The following FRAS1 variants were observed in gnomAD, a reference collection of about 807,000 sequenced individuals.
The protein encoded by FRAS1 is extracellular matrix organizing protein FRAS1.
A neutral mutation model predicts 435.2 loss-of-function variants in FRAS1; 290 were observed. The ratio of observed to expected loss-of-function variants is 0.67; its 90% CI spans 0.61 to 0.73. FRAS1 has a LOEUF of 0.73. Among genes scored for constraint, FRAS1 ranks in the 30% least tolerant of loss-of-function variants. FRAS1 has a pLI of 0.00. For missense variants in FRAS1, 4,860 were observed against 5,001.5 expected, an observed-to-expected ratio of 0.97 and a Z score of 0.85; for synonymous variants, 1,800 against 1,851.0, an observed-to-expected ratio of 0.97 and a Z score of 0.71.
At chr4:78,473,669 C>A in intron 53 of FRAS1, 72 bp downstream of exon 53, 1 of 1,242,052 alleles carries the variant, frequency 8.1e-7, no homozygotes, top group Non-Finnish European at 1.1e-6. Context: ...ATGAAGGATG[C>A]TGGGGGGCAG....
At chr4:78,149,960 C>T (rs946120671) in intron 2 of FRAS1, among the ~76,000 whole-genome samples, 13 of 152,160 alleles carry the variant, frequency 8.5e-5, no homozygotes, top group African/African-American at 2.9e-4. Flanking sequence ...CTCCAAGAGG[C>T]AGTGGAGCGT....
chr4:78,444,255 T>A (rs1431047229), intron 41 of FRAS1: 1 of 439,836 alleles, frequency 2.3e-6, no homozygotes, highest in Non-Finnish European at 4.5e-6. Flanking sequence ...ATTTTAGCCG[T>A]TCCTTCTGGA....
chr4:78,371,055 G>A (rs1249549439), intron 23 of FRAS1, among the ~76,000 whole-genome samples: 3 of 147,598 alleles, frequency 2.0e-5, no homozygotes, highest in Admixed American at 6.7e-5. Context: ...GTGGTCTGCT[G>A]TGCTCGAGAC....
chr4:78,119,176 T>G (rs528161205), intron 2 of FRAS1, among the ~76,000 whole-genome samples: 1 of 152,320 alleles, frequency 6.6e-6, no homozygotes, highest in South Asian at 2.1e-4. Flanking sequence ...CATTTATCAC[T>G]TCTTTGGGTT....
chr4:78,323,297 A>G (rs1729581528), intron 18 of FRAS1, among the ~76,000 whole-genome samples: 1 of 152,232 alleles, frequency 6.6e-6, no homozygotes. Flanking sequence ...ATTAAATATT[A>G]CTACTGAGTA....
At chr4:78,205,511 A>G (rs938355283) in intron 2 of FRAS1, among the ~76,000 whole-genome samples, 1 of 152,256 alleles carries the variant, frequency 6.6e-6, no homozygotes, top group Non-Finnish European at 1.5e-5. Flanking sequence ...TTTCAGTGTG[A>G]TAAAACATCT....
At chr4:78,325,526 A>G (rs552304350) in intron 18 of FRAS1, among the ~76,000 whole-genome samples, 2 of 152,338 alleles carry the variant, frequency 1.3e-5, no homozygotes, top group South Asian at 4.1e-4. Context: ...ATGCCTTTTA[A>G]TGTAGTCCCT....
intron 2 of FRAS1, among the ~76,000 whole-genome samples, chr4:78,096,940 CT>C (rs1360313149): frequency 1.3e-5 from 2 of 152,202 alleles, no homozygotes; most frequent in African/African-American, 4.8e-5. Context: ...AAGGAGAAAT[CT>C]TTTCTATCGC....
chr4:78,407,248 A>G (rs1379653144), intron 30 of FRAS1, among the ~76,000 whole-genome samples: 1 of 152,216 alleles, frequency 6.6e-6, no homozygotes, highest in Non-Finnish European at 1.5e-5. Context: ...CTAATTTCCC[A>G]TTATGTTTTC....
intron 2 of FRAS1, among the ~76,000 whole-genome samples, chr4:78,231,343 A>G (rs549335841): frequency 1.5e-3 from 234 of 151,750 alleles, no homozygotes; most frequent in African/African-American, 5.5e-3. Flanking sequence ...AACGGAAAAT[A>G]CAGATAAGGA....
intron 34 of FRAS1, 69 bp from the exon 35 acceptor site, chr4:78,424,319 T>C: frequency 1.3e-6 from 1 of 793,736 alleles, no homozygotes; most frequent in Non-Finnish European, 1.9e-6. Context: ...GCCCTTTGTT[T>C]TGTACCTTTC....
chr4:78,252,655 C>T, intron 5 of FRAS1, 104 bp downstream of exon 5: 1 of 1,142,754 alleles, frequency 8.8e-7, no homozygotes, highest in Non-Finnish European at 1.2e-6. Context: ...TTCTATTTTC[C>T]CTAAATGTTG....
chr4:78,187,963 C>G (rs1722345662), intron 2 of FRAS1, among the ~76,000 whole-genome samples: 1 of 152,116 alleles, frequency 6.6e-6, no homozygotes, highest in Admixed American at 6.6e-5. Context: ...TTCAGTACAT[C>G]AGGATCAACA....
At chr4:78,270,840 A>G (rs1373582251) in intron 9 of FRAS1, among the ~76,000 whole-genome samples, 1 of 152,004 alleles carries the variant, frequency 6.6e-6, no homozygotes, top group Non-Finnish European at 1.5e-5. Flanking sequence ...TTTATATGTA[A>G]ATGCATCTGC....
chr4:78,128,783 C>T (rs898863331), intron 2 of FRAS1, among the ~76,000 whole-genome samples: 2 of 152,118 alleles, frequency 1.3e-5, no homozygotes, highest in Non-Finnish European at 2.9e-5. Flanking sequence ...TCAATTTTGG[C>T]TTTTGTTGCT....
intron 49 of FRAS1, 120 bp from the exon 50 acceptor site, chr4:78,466,088 A>G (rs1263309152): frequency 1.4e-6 from 1 of 702,736 alleles, no homozygotes; most frequent in Non-Finnish European, 2.4e-6. Context: ...AAGAAAATAC[A>G]GTCCTTACTT....
intron 47 of FRAS1, among the ~76,000 whole-genome samples, chr4:78,457,046 C>A (rs1312576355): frequency 6.6e-6 from 1 of 152,120 alleles, no homozygotes; most frequent in Non-Finnish European, 1.5e-5. Context: ...TGCTGGATGC[C>A]CCTCACCAGT....
chr4:78,181,855 G>C, intron 2 of FRAS1: 1 of 1,612,042 alleles, frequency 6.2e-7, no homozygotes. Context: ...TGCCTGCCGC[G>C]TTGGAGTTGG....
chr4:78,240,713 A>C (rs2110118390), intron 3 of FRAS1, among the ~76,000 whole-genome samples: 1 of 152,346 alleles, frequency 6.6e-6, no homozygotes, highest in South Asian at 2.1e-4. Flanking sequence ...GCAAACATGT[A>C]GAATTAAAGA....
Sources: allele counts gnomAD v4.1 joint callset (sites outside exome capture counted in the v4.1 genomes callset), GRCh38; gene constraint gnomAD v4.1.1; transcripts MANE v1.5; gene names NCBI Gene and HGNC (gene_info 2026-07-23, HGNC 2026-07-21).